Variants in PPARGC1A observed in about 807,000 individuals in gnomAD.
The protein encoded by PPARGC1A is PPARG coactivator 1 alpha.
PPARGC1A carries 25 observed loss-of-function variants against 88.7 expected under a neutral mutation model. The ratio of observed to expected loss-of-function variants is 0.28; its 90% confidence interval spans 0.21 to 0.39. The LOEUF (loss-of-function observed/expected upper bound fraction) is 0.39, where lower values mean the gene tolerates loss of function less well. PPARGC1A is among the 10% of genes least tolerant of loss of function. The pLI, the probability that PPARGC1A is intolerant of heterozygous loss-of-function variation, is 1.00. For synonymous variants in PPARGC1A, 363 were observed against 355.6 expected, an observed-to-expected ratio of 1.02 and a Z score of -0.24; for missense variants, 880 against 968.7, an observed-to-expected ratio of 0.91 and a Z score of 1.22.
At chr4:23,972,477 A>G in the PPARGC1A span, among the ~76,000 whole-genome samples, 3 of 152,326 alleles carry the variant, frequency 2.0e-5, no homozygotes, top group East Asian at 5.8e-4. Context: ...CTGACAGACC[A>G]TAGTTTAACA....
chr4:24,420,417 T>G, the PPARGC1A span, among the ~76,000 whole-genome samples: 4 of 152,182 alleles, frequency 2.6e-5, no homozygotes, highest in Admixed American at 6.5e-5. Flanking sequence ...TTCCGGCGCG[T>G]TGAAGGCATG....
At chr4:24,355,629 T>C in the PPARGC1A span, among the ~76,000 whole-genome samples, 1 of 152,146 alleles carries the variant, frequency 6.6e-6, no homozygotes, top group Non-Finnish European at 1.5e-5. Flanking sequence ...TTCATTGTTG[T>C]TATTGTTTCA....
chr4:24,123,674 G>T, the PPARGC1A span, among the ~76,000 whole-genome samples: 47 of 152,228 alleles, frequency 3.1e-4, no homozygotes, highest in African/African-American at 9.9e-4. Context: ...CAAAGTCAAG[G>T]TTAGGCACAG....
the PPARGC1A span, among the ~76,000 whole-genome samples, chr4:24,305,218 T>C: frequency 6.7e-6 from 1 of 150,244 alleles, no homozygotes; most frequent in Non-Finnish European, 1.5e-5. Flanking sequence ...TTTTTTGCCA[T>C]AATTTTCTTA....
At chr4:23,843,926 A>G (rs1371522198) in intron 2 of PPARGC1A, among the ~76,000 whole-genome samples, 1 of 152,046 alleles carries the variant, frequency 6.6e-6, no homozygotes, top group East Asian at 1.9e-4. Flanking sequence ...ATTTACAGAT[A>G]CATATACATA....
the PPARGC1A span, among the ~76,000 whole-genome samples, chr4:24,460,357 T>G: frequency 1.3e-5 from 2 of 152,166 alleles, no homozygotes; most frequent in Non-Finnish European, 2.9e-5. Context: ...AGAGGACACT[T>G]TACGGTTTAC....
the PPARGC1A span, among the ~76,000 whole-genome samples, chr4:24,090,198 CCATAA>C: frequency 3.3e-5 from 5 of 152,148 alleles, no homozygotes; most frequent in Admixed American, 6.5e-5. Flanking sequence ...CATTAACATA[CCATAA>C]AATATTTGAA....
chr4:24,353,018 G>A, the PPARGC1A span, among the ~76,000 whole-genome samples: 3 of 152,122 alleles, frequency 2.0e-5, no homozygotes, highest in Non-Finnish European at 4.4e-5. Context: ...CACCGCCAAC[G>A]TTCTCTCTGG....
At chr4:24,469,349 A>C in the PPARGC1A span, among the ~76,000 whole-genome samples, 1 of 152,230 alleles carries the variant, frequency 6.6e-6, no homozygotes, top group Non-Finnish European at 1.5e-5. Flanking sequence ...TGTATTCTTC[A>C]TCTCTGAAAA....
At chr4:23,868,282 G>A (rs1227431563) in intron 2 of PPARGC1A, among the ~76,000 whole-genome samples, 1 of 152,094 alleles carries the variant, frequency 6.6e-6, no homozygotes, top group Non-Finnish European at 1.5e-5. Context: ...TGAGTTAGGG[G>A]GTAAGTTCAC....
At chr4:24,027,218 T>C in the PPARGC1A span, among the ~76,000 whole-genome samples, 3 of 146,896 alleles carry the variant, frequency 2.0e-5, no homozygotes, top group African/African-American at 5.2e-5. Flanking sequence ...TGTGTGTGTG[T>C]CTGTGTGTCT....
At chr4:24,091,928 T>TACACACACACACACACACAC in the PPARGC1A span, among the ~76,000 whole-genome samples, 282 of 147,824 alleles carry the variant, frequency 1.9e-3, 3 homozygotes, top group African/African-American at 6.7e-3. Context: ...CTTGCCCCAA[T>TACACACACACACACACACAC]ACACACACAC....
At chr4:23,871,118 G>A (rs1713261570) in intron 2 of PPARGC1A, among the ~76,000 whole-genome samples, 1 of 152,104 alleles carries the variant, frequency 6.6e-6, no homozygotes, top group Non-Finnish European at 1.5e-5. Context: ...GCCAAGACCA[G>A]GCAACATTTT....
At chr4:24,183,841 A>T in the PPARGC1A span, among the ~76,000 whole-genome samples, 1 of 152,242 alleles carries the variant, frequency 6.6e-6, no homozygotes, top group African/African-American at 2.4e-5. Flanking sequence ...ACAGTAGTCC[A>T]GCTTCTGGGA....
chr4:24,143,059 T>C, the PPARGC1A span, among the ~76,000 whole-genome samples: 1 of 152,150 alleles, frequency 6.6e-6, no homozygotes, highest in African/African-American at 2.4e-5. Context: ...CAGCATGCAG[T>C]GAAACTATAC....
chr4:24,172,857 G>A, the PPARGC1A span, among the ~76,000 whole-genome samples: 17 of 152,086 alleles, frequency 1.1e-4, no homozygotes, highest in South Asian at 2.1e-4. Context: ...CCCTCTTGGC[G>A]ACCTAAAAGC....
chr4:24,189,730 A>G, the PPARGC1A span, among the ~76,000 whole-genome samples: 3 of 152,126 alleles, frequency 2.0e-5, no homozygotes, highest in Non-Finnish European at 4.4e-5. Flanking sequence ...TCCAAAGTCT[A>G]AGCACCCGGC....
chr4:24,029,959 G>C, the PPARGC1A span, among the ~76,000 whole-genome samples: 15 of 152,214 alleles, frequency 9.9e-5, no homozygotes, highest in African/African-American at 3.6e-4. Context: ...CTGTAGAGGG[G>C]TCTGCAAGAG....
In PPARGC1A at chr4:23,812,837, C is replaced by T; in HGVS notation, c.1929G>A (p.Glu643=). 1.9e-6 allele frequency: 3 copies of T among 1,614,034 alleles called. No homozygotes were observed. The highest frequency in any genetic ancestry group is 1.7e-6 in the Non-Finnish European group (2 of 1,179,992). ...TGCGATATTCTTCCCTCTTCAGCCT[C>T]TCGTGCTGATATTCCTCGTAGCTGT... ...RYDSYEEYQH[E]RLKREEYRRE... is the part of the protein sequence containing the mutation. Residue 643 remains glutamate, a synonymous_variant, in exon 10 of 13, where the codon GAG becomes GAA. Coordinates refer to ENST00000264867, the MANE Select transcript of PPARGC1A (RefSeq NM_013261.5).
Sources: allele counts gnomAD v4.1 joint callset (sites outside exome capture counted in the v4.1 genomes callset), GRCh38; gene constraint gnomAD v4.1.1; transcripts MANE v1.5; gene names NCBI Gene and HGNC (gene_info 2026-07-23, HGNC 2026-07-21).